Variants in MAP4K5 observed in about 807,000 individuals in gnomAD.
MAP4K5 encodes mitogen-activated protein kinase kinase kinase kinase 5.
In MAP4K5, 82 loss-of-function variants were observed where a neutral mutation model predicts 135.6. The ratio of observed to expected loss-of-function variants is 0.60; its 90% CI spans 0.51 to 0.73. MAP4K5 has a LOEUF of 0.73. Among genes scored for constraint, MAP4K5 ranks in the 30% least tolerant of loss-of-function variants. The pLI, the probability that MAP4K5 is intolerant of heterozygous loss-of-function variation, is 0.00. For missense variants in MAP4K5, 907 were observed against 1,010.9 expected (o/e 0.90, Z 1.39); for synonymous variants, 347 against 335.0 (o/e 1.04, Z -0.39).
chr14:50,524,660 T>A (rs180994529), intron 2 of MAP4K5, among the ~76,000 whole-genome samples: 126 of 149,526 alleles, frequency 8.4e-4, no homozygotes, highest in Non-Finnish European at 1.6e-3. Flanking sequence ...GAGTAGGCGA[T>A]AAGATGGAAG....
At position 50,483,269 on chromosome 14, in the gene MAP4K5, C is replaced by A. The variant is rs1595497778; in HGVS notation, c.323-853G>T. The A allele has an allele frequency of 2.6e-5, 4 of 152,124 alleles. No individual in the cohort carries two copies. In the South Asian group the frequency reaches 8.3e-4, roughly 31 times the overall value. The allele number at this position is 152,124 out of a possible 1,614,324, so 9.4% of individuals were successfully genotyped here. ...AAAATAACCGTGTCACTTTTGGCAA[C>A]CAGATCTCTCCCTAATATGAAATAT... is the stretch of plus-strand genomic sequence containing the variant. On this transcript the variant is annotated intron_variant, in intron 5 of 32. Coordinates refer to ENST00000682126, the MANE Select transcript of MAP4K5 (RefSeq NM_006575.6).
intron 2 of MAP4K5, among the ~76,000 whole-genome samples, chr14:50,531,426 T>C (rs542119959): frequency 5.5e-4 from 84 of 152,330 alleles, no homozygotes; most frequent in Non-Finnish European, 1.0e-3. Context: ...AAAAGCATCT[T>C]TTTATATGGG....
At chr14:50,559,922 A>G (rs1354066848) in intron 1 of MAP4K5, 4 of 375,928 alleles carry the variant, frequency 1.1e-5, no homozygotes, top group African/African-American at 8.2e-5. Context: ...ATTCTTTGAG[A>G]GTGTGTTCGA....
Position 50,434,574 on chromosome 14 carries a change from G to A in MAP4K5, c.1987-3C>T, listed in dbSNP as rs1469485450. 2.5e-6 allele frequency: 4 copies of A among 1,570,822 alleles called. No homozygotes were observed. The highest frequency in any genetic ancestry group is 3.5e-6 in the Non-Finnish European group (4 of 1,158,042). ...CTTGGCAAAGGAAAATCAAAGTGCTGCAAAAAAAATAAACAATAGAGCCAT... is the reference window on the plus strand; with the variant it reads ...CTTGGCAAAGGAAAATCAAAGTGCTACAAAAAAAATAAACAATAGAGCCAT... On this transcript the variant is annotated splice_polypyrimidine_tract_variant and splice_region_variant and intron_variant, in intron 27 of 32. Coordinates refer to ENST00000682126, the MANE Select transcript of MAP4K5 (RefSeq NM_006575.6).
rs138535163 is a variant in MAP4K5, at chr14:50,418,614, T to C, written c.*1405A>G. 6.5e-6 allele frequency: 1 copy of C among 152,792 alleles called. No homozygotes were observed. The highest frequency in any genetic ancestry group is 1.9e-4 in the East Asian group (1 of 5,190). The allele number at this position is 152,792 out of a possible 1,614,324, so 9.5% of individuals were successfully genotyped here. A position where few individuals can be genotyped will look rare whatever the true frequency, so the allele number is the denominator to read the frequency against. On this transcript the variant is annotated 3_prime_UTR_variant, in exon 33 of 33. Transcript: ENST00000682126. ...GTCAGGCTCAACTACTAACTTGCTG[T>C]GTAAATTGGATAGATCTCTTAACCT... is the stretch of plus-strand genomic sequence containing the variant.
intron 32 of MAP4K5, 147 bp from the exon 33 acceptor site, chr14:50,420,253 A>G (rs1300341995): frequency 3.1e-6 from 2 of 640,032 alleles, no homozygotes; most frequent in African/African-American, 3.7e-5. Context: ...TCAGCTTTAC[A>G]TTTTACAGCT....
intron 11 of MAP4K5, among the ~76,000 whole-genome samples, chr14:50,465,830 C>T (rs944551519): frequency 1.3e-5 from 2 of 152,174 alleles, no homozygotes; most frequent in Non-Finnish European, 2.9e-5. Flanking sequence ...GTAATCTCAG[C>T]ACTTTGGGAG....
intron 2 of MAP4K5, among the ~76,000 whole-genome samples, chr14:50,523,717 CT>C (rs2038200096): frequency 6.6e-6 from 1 of 152,162 alleles, no homozygotes; most frequent in Non-Finnish European, 1.5e-5. Context: ...TTTGTTGTCT[CT>C]CTCCCCCCAC....
chr14:50,436,898 C>A (rs369925949), intron 26 of MAP4K5, among the ~76,000 whole-genome samples: 1 of 152,278 alleles, frequency 6.6e-6, no homozygotes, highest in South Asian at 2.1e-4. Flanking sequence ...CTGTTCTAAA[C>A]GGTAATGATT....
At position 50,460,030 on chromosome 14, in the gene MAP4K5, C is replaced by T. The variant is rs60820060; in HGVS notation, c.936+2635G>A. Among the ~76,000 whole-genome samples, 725 of 152,230 alleles carry T rather than the reference C, an allele frequency of 4.8e-3. 7 individuals are homozygous for T. Among genetic ancestry groups the T allele is most frequent in the African/African-American group, 0.016 (677 of 41,556 alleles). ...ACTTTTCTTTAGTTCCTTATGTACA[C>T]TGCCTTTTCCCTTATCACTAGGCTT... On this transcript the variant is annotated intron_variant, in intron 13 of 32. Coordinates refer to ENST00000682126, the MANE Select transcript of MAP4K5 (RefSeq NM_006575.6).
chr14:50,447,460 A>AG lies in MAP4K5; in HGVS notation c.1095_1096insC (p.Phe366LeufsTer10). ...ACAAAAGGATTCCACTGTAACATGAAATTTGGGTCTGATGACAATCCCTGT... is the reference window on the plus strand; with the variant it reads ...ACAAAAGGATTCCACTGTAACATGAAGATTTGGGTCTGATGACAATCCCTGT... On this transcript the variant is annotated frameshift_variant, in exon 16 of 33. Coordinates refer to ENST00000682126, the MANE Select transcript of MAP4K5 (RefSeq NM_006575.6). LOFTEE classifies it high-confidence loss of function. The AG allele has an allele frequency of 6.4e-7, 1 of 1,551,500 alleles. No individual in the cohort carries two copies. Among genetic ancestry groups the AG allele is most frequent in the Non-Finnish European group, 8.7e-7 (1 of 1,145,898 alleles).
At chr14:50,498,955 T>G (rs772609884) in intron 3 of MAP4K5, among the ~76,000 whole-genome samples, 1 of 152,220 alleles carries the variant, frequency 6.6e-6, no homozygotes, top group Non-Finnish European at 1.5e-5. Flanking sequence ...TACAGCAGTC[T>G]CCAAAATTAT....
chr14:50,524,090 G>A (rs1354692480), intron 2 of MAP4K5, among the ~76,000 whole-genome samples: 1 of 152,080 alleles, frequency 6.6e-6, no homozygotes, highest in Non-Finnish European at 1.5e-5. Flanking sequence ...TCTTTGTCTT[G>A]ATTTCCTTCT....
In MAP4K5 at chr14:50,493,512, A is replaced by G. The variant is rs188725487; in HGVS notation, c.167-7318T>C. Among the ~76,000 whole-genome samples, 27 of 152,304 alleles carry G rather than the reference A, an allele frequency of 1.8e-4. 1 individual carries two copies. The highest frequency in any genetic ancestry group is 1.0e-3 in the Admixed American group (16 of 15,308). On this transcript the variant is annotated intron_variant, in intron 3 of 32. Transcript: ENST00000682126. ...CCCAAACTGGAAAGAAATAAGTTAA[A>G]AAATCTCTGTTCACAGATGACACGA... is the stretch of plus-strand genomic sequence containing the variant.
At chr14:50,476,716 C>T (rs1453715678) in intron 6 of MAP4K5, among the ~76,000 whole-genome samples, 1 of 152,246 alleles carries the variant, frequency 6.6e-6, no homozygotes, top group African/African-American at 2.4e-5. Flanking sequence ...CCCGCCTCAG[C>T]CTCCCAAAGT....
chr14:50,534,858 A>T (rs1222350993), upstream of MAP4K5, among the ~76,000 whole-genome samples: 1 of 152,260 alleles, frequency 6.6e-6, no homozygotes, highest in East Asian at 1.9e-4. Flanking sequence ...CTTTGTAAAG[A>T]AATGCAAATT....
intron 14 of MAP4K5, among the ~76,000 whole-genome samples, chr14:50,451,805 C>T (rs1382226200): frequency 5.3e-5 from 8 of 151,988 alleles, no homozygotes; most frequent in South Asian, 2.1e-4. Context: ...CTTGAGTTTG[C>T]GCTTCCTACT....
intron 21 of MAP4K5, among the ~76,000 whole-genome samples, chr14:50,441,797 C>CACACACACACAT (rs1491145074): frequency 2.3e-5 from 3 of 132,520 alleles, no homozygotes; most frequent in African/African-American, 9.2e-5. Context: ...CACACACACA[C>CACACACACACAT]ATATATATAC....
intron 15 of MAP4K5, among the ~76,000 whole-genome samples, chr14:50,448,440 G>A (rs1330950601): frequency 1.3e-5 from 2 of 151,528 alleles, no homozygotes; most frequent in Non-Finnish European, 2.9e-5. Context: ...AATACAGAAT[G>A]TAGAATTTAC....
Sources: allele counts gnomAD v4.1 joint callset (sites outside exome capture counted in the v4.1 genomes callset), GRCh38; gene constraint gnomAD v4.1.1; transcripts MANE v1.5; gene names NCBI Gene and HGNC (gene_info 2026-07-23, HGNC 2026-07-21).